Variants in ACTR2 observed in about 807,000 individuals in gnomAD.
The protein encoded by ACTR2 is actin-related protein 2.
Under a neutral mutation model 50.2 loss-of-function variants are expected in ACTR2, and 5 were observed. That is an observed-to-expected ratio of 0.10 (90% confidence interval 0.05 to 0.21). The LOEUF is 0.21. Among genes scored for constraint, ACTR2 ranks in the 10% least tolerant of loss-of-function variants. The pLI is 1.00. For synonymous variants in ACTR2, 140 were observed against 162.9 expected, an observed-to-expected ratio of 0.86 and a Z score of 1.07; for missense variants, 180 against 480.6, an observed-to-expected ratio of 0.37 and a Z score of 5.85.
chr2:65,249,446 CA>C, intron 3 of ACTR2, among the ~76,000 whole-genome samples: 1 of 152,280 alleles, frequency 6.6e-6, no homozygotes, highest in East Asian at 1.9e-4. Context: ...ATCTCATTAA[CA>C]TGCTTTCACA....
rs756209452 is a variant in ACTR2 at position 65,246,549 on chromosome 2, G to C, written c.185G>C (p.Ser62Thr). 3 of 1,609,264 alleles carry C rather than the reference G, an allele frequency of 1.9e-6. No homozygotes were observed. Among genetic ancestry groups the C allele is most frequent in the Non-Finnish European group, 2.5e-6 (3 of 1,178,344 alleles). The change falls in exon 3 of 9, where the codon AGT (serine) becomes ACT (threonine). Residue 62 changes from serine to threonine, a missense_variant. Coordinates refer to ENST00000260641, the MANE Select transcript of ACTR2 (RefSeq NM_005722.4). ...IKDLMVGDEA[S>T]ELRSMLEVNY... is the part of the protein sequence containing the mutation. ...GATCTTATGGTTGGTGATGAGGCAA[G>C]TGAATTACGATCAATGTTAGAAGTT... is the stretch of plus-strand genomic sequence containing the variant.
At chr2:65,251,632 A>T (rs907860953) in intron 4 of ACTR2, among the ~76,000 whole-genome samples, 5 of 152,210 alleles carry the variant, frequency 3.3e-5, no homozygotes, top group Non-Finnish European at 7.3e-5. Flanking sequence ...AAGTGCTGGG[A>T]TTACAGGCAT....
At chr2:65,240,150 T>G (rs1671813961) in intron 2 of ACTR2, among the ~76,000 whole-genome samples, 188 bp downstream of exon 2, 1 of 152,180 alleles carries the variant, frequency 6.6e-6, no homozygotes, top group Admixed American at 6.5e-5. Context: ...GTTAATTTCA[T>G]CTGATTTTGT....
intron 1 of ACTR2, among the ~76,000 whole-genome samples, chr2:65,230,198 C>A (rs1228874498): frequency 1.3e-5 from 2 of 152,126 alleles, no homozygotes; most frequent in African/African-American, 4.8e-5. Context: ...ACTATAGTTT[C>A]AAATTGGCCT....
intron 1 of ACTR2, among the ~76,000 whole-genome samples, chr2:65,229,798 GT>G (rs2103976661): frequency 6.6e-6 from 1 of 151,544 alleles, no homozygotes; most frequent in East Asian, 1.9e-4. Flanking sequence ...TAATGTGACG[GT>G]TTTTAAGAAT....
At chr2:65,252,437 G>A (rs1672070945) in intron 4 of ACTR2, among the ~76,000 whole-genome samples, 2 of 150,292 alleles carry the variant, frequency 1.3e-5, no homozygotes, top group African/African-American at 4.9e-5. Flanking sequence ...TCAGGAGATC[G>A]AGACCATCCT....
At chr2:65,241,339 T>C (rs73936442) in intron 2 of ACTR2, among the ~76,000 whole-genome samples, 60 of 152,326 alleles carry the variant, frequency 3.9e-4, no homozygotes, top group African/African-American at 1.4e-3. Context: ...TGTATAGCCA[T>C]AAATTTATTT....
intron 6 of ACTR2, 92 bp from the exon 7 acceptor site, chr2:65,261,155 G>T: frequency 1.5e-6 from 2 of 1,319,882 alleles, no homozygotes; most frequent in Admixed American, 2.1e-5. Flanking sequence ...TTTGGTTACA[G>T]AACAGATGTA....
chr2:65,228,148 A>T, intron 1 of ACTR2, 191 bp downstream of exon 1: 1 of 463,626 alleles, frequency 2.2e-6, no homozygotes. Flanking sequence ...CCTGCCACCC[A>T]TTTAGCCTGC....
At chr2:65,238,263 T>C (rs1296469687) in intron 1 of ACTR2, among the ~76,000 whole-genome samples, 1 of 152,336 alleles carries the variant, frequency 6.6e-6, no homozygotes, top group East Asian at 1.9e-4. Flanking sequence ...CAGCTTCTTA[T>C]GTATAAAATG....
intron 3 of ACTR2, 138 bp downstream of exon 3, chr2:65,246,877 C>A: frequency 1.5e-6 from 1 of 655,674 alleles, no homozygotes; most frequent in Non-Finnish European, 2.5e-6. Context: ...CTACTATATG[C>A]TAGTCATTAT....
intron 2 of ACTR2, among the ~76,000 whole-genome samples, chr2:65,243,551 C>G (rs139885111): frequency 6.6e-6 from 1 of 152,010 alleles, no homozygotes; most frequent in Non-Finnish European, 1.5e-5. Context: ...ATTGCTTGAG[C>G]CCAGAAGTTT....
chr2:65,228,178 G>T, intron 1 of ACTR2: 1 of 417,854 alleles, frequency 2.4e-6, no homozygotes, highest in Admixed American at 4.5e-5. Context: ...ACCCTTCCGG[G>T]TGGGGGCGGC....
chr2:65,228,665 A>G (rs1671578663), intron 1 of ACTR2, among the ~76,000 whole-genome samples: 1 of 151,968 alleles, frequency 6.6e-6, no homozygotes, highest in African/African-American at 2.4e-5. Context: ...TGTTAATTCC[A>G]CTAGCCTTAG....
chr2:65,261,708 C>G (rs574857704), intron 7 of ACTR2, among the ~76,000 whole-genome samples: 7 of 152,312 alleles, frequency 4.6e-5, no homozygotes, highest in Admixed American at 3.9e-4. Flanking sequence ...TAAAGATACT[C>G]TCTTACATAG....
intron 1 of ACTR2, 21 bp downstream of exon 1, chr2:65,227,978 C>G: frequency 6.7e-7 from 1 of 1,492,762 alleles, no homozygotes; most frequent in Non-Finnish European, 8.9e-7. Flanking sequence ...CGCGAGGAGG[C>G]CTTGGCGGCC....
chr2:65,248,261 A>G (rs1301466194), intron 3 of ACTR2, among the ~76,000 whole-genome samples: 1 of 152,096 alleles, frequency 6.6e-6, no homozygotes, highest in African/African-American at 2.4e-5. Context: ...TTAACTGGGC[A>G]TAGTGGTGCG....
At chr2:65,228,216 C>G (rs960771469) in intron 1 of ACTR2, 34 of 379,650 alleles carry the variant, frequency 9.0e-5, no homozygotes, top group Non-Finnish European at 1.4e-4. Flanking sequence ...GACATGGAGC[C>G]TACTGACCGC....
rs142506566 is a variant in ACTR2, at chr2:65,246,876, G to A, written c.375+137G>A. 518 of 658,818 alleles carry A rather than the reference G, an allele frequency of 7.9e-4. 1 individual carries two copies. In the Middle Eastern group the frequency reaches 0.012, roughly 15 times the overall value. 40.8% of individuals were successfully genotyped at this position (658,818 alleles called of 1,614,324 possible). A position where few individuals can be genotyped will look rare whatever the true frequency, so the allele number is the denominator to read the frequency against. Reference sequence around the variant, plus strand: ...AGATCTTATTAAGTATCTACTATATGCTAGTCATTATTCTAAGTAGGAAAG... The same window carrying A: ...AGATCTTATTAAGTATCTACTATATACTAGTCATTATTCTAAGTAGGAAAG... On this transcript the variant is annotated intron_variant, in intron 3 of 8. Coordinates refer to ENST00000260641, the MANE Select transcript of ACTR2 (RefSeq NM_005722.4).
Sources: gnomAD v4.1 joint callset for allele counts (sites outside exome capture counted in the v4.1 genomes callset) on GRCh38, gnomAD v4.1.1 for gene constraint, MANE v1.5 for transcripts, NCBI Gene and HGNC (gene_info 2026-07-23, HGNC 2026-07-21) for gene names.